The following SKAP1 variants were observed in gnomAD, a reference collection of about 807,000 sequenced individuals.
The protein encoded by SKAP1 is src kinase associated phosphoprotein 1, also known as src kinase-associated phosphoprotein 1.
A neutral mutation model predicts 58.5 loss-of-function variants in SKAP1; 44 were observed. The observed-to-expected ratio is 0.75, with a 90% confidence interval of 0.59 to 0.97. SKAP1 has a LOEUF of 0.97. SKAP1 is among the 50% of genes least tolerant of loss of function. SKAP1 has a pLI of 0.00. For missense variants in SKAP1, 390 were observed against 435.2 expected (o/e 0.90, Z 0.92); for synonymous variants, 127 against 149.7 (o/e 0.85, Z 1.11).
chr17:48,330,194 G>A (rs2066487585), intron 4 of SKAP1, among the ~76,000 whole-genome samples: 2 of 151,952 alleles, frequency 1.3e-5, no homozygotes, highest in African/African-American at 4.8e-5. Context: ...GTAAACTTAA[G>A]TTTTTCTCTA....
intron 8 of SKAP1, 108 bp downstream of exon 8, chr17:48,182,286 T>G (rs2064379906): frequency 4.0e-6 from 3 of 746,746 alleles, no homozygotes; most frequent in Non-Finnish European, 2.3e-6. Flanking sequence ...AAGGTAGAGG[T>G]GAGAAAGGGC....
chr17:48,442,220 G>A, the SKAP1 span, among the ~76,000 whole-genome samples: 1 of 152,178 alleles, frequency 6.6e-6, no homozygotes, highest in Non-Finnish European at 1.5e-5. Context: ...GGGGTGTGAG[G>A]TGGTGTCAAT....
chr17:48,391,373 G>A (rs2067343347), intron 2 of SKAP1, among the ~76,000 whole-genome samples: 1 of 152,086 alleles, frequency 6.6e-6, no homozygotes, highest in African/African-American at 2.4e-5. Flanking sequence ...AAACACATAA[G>A]ATGATCTTCC....
intron 1 of SKAP1, among the ~76,000 whole-genome samples, chr17:48,420,657 T>C (rs569154946): frequency 6.6e-6 from 1 of 151,762 alleles, no homozygotes; most frequent in African/African-American, 2.4e-5. Flanking sequence ...AAACCCTTCC[T>C]CCCCATCCTG....
At chr17:48,370,157 C>T (rs933947868) in intron 2 of SKAP1, among the ~76,000 whole-genome samples, 23 of 152,102 alleles carry the variant, frequency 1.5e-4, no homozygotes, top group African/African-American at 4.1e-4. Context: ...TAAAAAACAA[C>T]GCCATTAAAA....
intron 4 of SKAP1, among the ~76,000 whole-genome samples, chr17:48,203,342 C>A (rs1421840991): frequency 3.3e-5 from 5 of 152,158 alleles, no homozygotes; most frequent in African/African-American, 1.2e-4. Flanking sequence ...AAGCTGAAGG[C>A]ACATCCATTC....
At chr17:48,226,344 T>G (rs1693485718) in intron 4 of SKAP1, among the ~76,000 whole-genome samples, 1 of 152,066 alleles carries the variant, frequency 6.6e-6, no homozygotes, top group South Asian at 2.1e-4. Flanking sequence ...TCCCCCAAGA[T>G]ACGTTTTTTT....
At chr17:48,286,582 G>T (rs1385794618) in intron 4 of SKAP1, among the ~76,000 whole-genome samples, 2 of 152,178 alleles carry the variant, frequency 1.3e-5, no homozygotes, top group Non-Finnish European at 2.9e-5. Flanking sequence ...AAAAATAAAG[G>T]TTATGAATTC....
rs577091691 is a variant in SKAP1, at chr17:48,419,979, T to C, written c.46+10096A>G. ...GAGCTCAGATCTGTCCTATCTTCCA[T>C]GTAAATGCTGGATACTAAAATTAAG... On this transcript the variant is annotated intron_variant, in intron 1 of 12. Transcript: ENST00000336915. 1.7e-3 allele frequency among the ~76,000 whole-genome samples: 255 copies of C among 152,280 alleles called. 2 individuals carry two copies. Among genetic ancestry groups the C allele is most frequent in the African/African-American group, 5.8e-3 (242 of 41,566 alleles).
chr17:48,148,810 C>G (rs142958662), intron 11 of SKAP1, among the ~76,000 whole-genome samples: 1 of 151,910 alleles, frequency 6.6e-6, no homozygotes. Context: ...GTCTTTTCTG[C>G]TTCCTTTAAA....
chr17:48,361,865 C>G (rs765866586), intron 3 of SKAP1, among the ~76,000 whole-genome samples: 1 of 152,064 alleles, frequency 6.6e-6, no homozygotes, highest in Non-Finnish European at 1.5e-5. Flanking sequence ...CCTGTTGTAC[C>G]TTATCTAAAC....
intron 4 of SKAP1, among the ~76,000 whole-genome samples, chr17:48,260,907 A>T (rs1000995563): frequency 6.6e-6 from 1 of 152,190 alleles, no homozygotes; most frequent in Non-Finnish European, 1.5e-5. Context: ...CGTTCTTAGT[A>T]CTACTGTTCC....
rs189293891 is a variant in SKAP1 at position 48,231,855 on chromosome 17, A to G, written c.281-42355T>C. The stretch of plus-strand genomic sequence containing the variant: ...GATGGATAAGTTGGCTTTATCTTCT[A>G]TAATTCCTATTTTCTCTATACTCTC... On this transcript the variant is annotated intron_variant, in intron 4 of 12. Coordinates refer to ENST00000336915, the MANE Select transcript of SKAP1 (RefSeq NM_003726.4). 13 of 152,328 alleles carry G rather than the reference A, an allele frequency of 8.5e-5. No homozygotes were observed. In the East Asian group the frequency reaches 2.5e-3, roughly 29 times the overall value. The allele number at this position is 152,328 out of a possible 1,614,324, so 9.4% of individuals were successfully genotyped here. A position where few individuals can be genotyped will look rare whatever the true frequency, so the allele number is the denominator to read the frequency against.
chr17:48,176,932 G>T (rs2064299188), intron 9 of SKAP1, among the ~76,000 whole-genome samples: 1 of 152,178 alleles, frequency 6.6e-6, no homozygotes, highest in African/African-American at 2.4e-5. Context: ...GTGGGCTTGT[G>T]TGGGCCCCAT....
chr17:48,266,461 A>G (rs964195010), intron 4 of SKAP1, among the ~76,000 whole-genome samples: 3 of 152,040 alleles, frequency 2.0e-5, no homozygotes, highest in African/African-American at 7.2e-5. Flanking sequence ...GCTGGAAAGC[A>G]ATTTAATTTT....
At chr17:48,243,470 G>T (rs1485772567) in intron 4 of SKAP1, among the ~76,000 whole-genome samples, 1 of 152,064 alleles carries the variant, frequency 6.6e-6, no homozygotes, top group Non-Finnish European at 1.5e-5. Flanking sequence ...TTGGAAATAG[G>T]ATCTTCACAC....
intron 4 of SKAP1, among the ~76,000 whole-genome samples, chr17:48,296,942 T>C (rs1244899410): frequency 6.6e-6 from 1 of 152,104 alleles, no homozygotes; most frequent in Non-Finnish European, 1.5e-5. Flanking sequence ...TCTTAGACTG[T>C]CCTGAAAATG....
chr17:48,317,660 T>C (rs957576473), intron 4 of SKAP1, among the ~76,000 whole-genome samples: 3 of 152,226 alleles, frequency 2.0e-5, no homozygotes, highest in African/African-American at 4.8e-5. Flanking sequence ...TTAGTATCTT[T>C]ATCTGTAAAC....
intron 1 of SKAP1, among the ~76,000 whole-genome samples, chr17:48,413,514 C>CAAAAAAAAAAAA (rs1222640261): frequency 6.0e-5 from 6 of 99,962 alleles, no homozygotes; most frequent in Admixed American, 2.3e-4. Context: ...AACTCCGTCT[C>CAAAAAAAAAAAA]AAAAAAAAAA....
Sources: allele counts gnomAD v4.1 joint callset (sites outside exome capture counted in the v4.1 genomes callset), GRCh38; gene constraint gnomAD v4.1.1; transcripts MANE v1.5; gene names NCBI Gene and HGNC (gene_info 2026-07-23, HGNC 2026-07-21).